MEGF6: variants seen among roughly 807,000 people sequenced by gnomAD.
MEGF6 encodes multiple epidermal growth factor-like domains protein 6.
Under a neutral mutation model 207.1 loss-of-function variants are expected in MEGF6, and 184 were observed. The ratio of observed to expected loss-of-function variants is 0.89; its 90% confidence interval spans 0.79 to 1.00. The LOEUF (loss-of-function observed/expected upper bound fraction) is 1.00, where lower values mean the gene tolerates loss of function less well. MEGF6 is among the 50% of genes least tolerant of loss of function. The pLI, the probability that MEGF6 is intolerant of heterozygous loss-of-function variation, is 0.00. For missense variants in MEGF6, 2,282 were observed against 2,202.9 expected (o/e 1.04, Z -0.72); for synonymous variants, 1,038 against 910.0 (o/e 1.14, Z -2.53).
At chr1:3,544,083 G>A (rs1642621282) in intron 4 of MEGF6, among the ~76,000 whole-genome samples, 2 of 152,278 alleles carry the variant, frequency 1.3e-5, no homozygotes, top group African/African-American at 4.8e-5. Context: ...CGGGAGTGTG[G>A]TCAGTCTGTC....
rs1194300166 is a variant in MEGF6, at chr1:3,594,270, A to T, written c.376+1068T>A. On this transcript the variant is annotated intron_variant, in intron 3 of 36. Coordinates refer to ENST00000356575, the MANE Select transcript of MEGF6 (RefSeq NM_001409.4). This position sits in a 1 kb window ranked among gnomAD's most constrained non-coding sequence, Gnocchi z 4.2. ...ATGGTGAGACCCTGTCTCTACAAAA[A>T]ATACAATAATTATTCAAGCGTGGTG... 6.6e-6 allele frequency among the ~76,000 whole-genome samples: 1 copy of T among 152,150 alleles called. No homozygotes were observed. The highest frequency in any genetic ancestry group is 2.4e-5 in the African/African-American group (1 of 41,436).
At chr1:3,493,163 G>A (rs1318576669) in intron 34 of MEGF6, 9 of 256,050 alleles carry the variant, frequency 3.5e-5, no homozygotes, top group Non-Finnish European at 5.3e-5. Flanking sequence ...TCCTCAGGTG[G>A]GTCCCTCCTA....
chr1:3,523,521 G>C (rs183449114), intron 5 of MEGF6, among the ~76,000 whole-genome samples: 1 of 152,142 alleles, frequency 6.6e-6, no homozygotes, highest in Non-Finnish European at 1.5e-5. Context: ...GAAGCTGAGG[G>C]ACAGGGTCCC....
Position 3,573,023 on chromosome 1 carries a change from C to T in MEGF6, c.481+6802G>A, listed in dbSNP as rs1643551745. ...GTCTTTCCTGGGTGTGCTGGGTTCT[C>T]CTGGGTATGCTGAGTTCTCTTGGGT... is the stretch of plus-strand genomic sequence containing the variant. On this transcript the variant is annotated intron_variant, in intron 4 of 36. Transcript: ENST00000356575. The surrounding 1 kb of genome is among the most constrained non-coding windows in gnomAD (Gnocchi z 5.1). Among the ~76,000 whole-genome samples the T allele has an allele frequency of 6.7e-6, 1 of 149,608 alleles. No homozygotes were observed. Among genetic ancestry groups the T allele is most frequent in the Non-Finnish European group, 1.5e-5 (1 of 67,498 alleles).
At chr1:3,580,122 C>T (rs1030127275) in intron 3 of MEGF6, among the ~76,000 whole-genome samples, 193 bp from the exon 4 acceptor site, 27 of 152,082 alleles carry the variant, frequency 1.8e-4, no homozygotes, top group African/African-American at 6.0e-4. Flanking sequence ...GCCACGGCCA[C>T]GTGCAGTTGG....
At chr1:3,606,017 C>T (rs1394729385) in intron 1 of MEGF6, among the ~76,000 whole-genome samples, 8 of 152,252 alleles carry the variant, frequency 5.3e-5, no homozygotes, top group African/African-American at 1.9e-4. Flanking sequence ...GACAGATACT[C>T]TGTCCCCCTG....
At chr1:3,562,577 T>C (rs1177498773) in intron 4 of MEGF6, among the ~76,000 whole-genome samples, 1 of 152,194 alleles carries the variant, frequency 6.6e-6, no homozygotes, top group Non-Finnish European at 1.5e-5. Context: ...TGAGTGCAGA[T>C]CAAGAAGAAT....
intron 23 of MEGF6, 87 bp from the exon 24 acceptor site, chr1:3,499,353 C>G: frequency 1.3e-6 from 2 of 1,490,008 alleles, no homozygotes; most frequent in Non-Finnish European, 1.8e-6. Flanking sequence ...GCAGATCTGC[C>G]GGGGTCCCCT....
In MEGF6 at chr1:3,494,446, T is replaced by G; in HGVS notation, c.4054A>C (p.Asn1352His). 6.4e-7 allele frequency: 1 copy of G among 1,570,722 alleles called. No homozygotes were observed. The highest frequency in any genetic ancestry group is 8.6e-7 in the Non-Finnish European group (1 of 1,163,220). ...GTGGCAGGCTCACACGTGCTGTTGTTGTGGCAGGAGCACTCCAGATGGCAG... is the reference window on the plus strand; with the variant it reads ...GTGGCAGGCTCACACGTGCTGTTGTGGTGGCAGGAGCACTCCAGATGGCAG... ...AACHLECSCH[N>H]NSTCEPATGT... Residue 1352 changes from asparagine to histidine, a missense_variant, in exon 32 of 37, where the codon AAC (asparagine) becomes CAC (histidine). Asn to His is a moderately conservative substitution (Grantham distance 68). Coordinates refer to ENST00000356575, the MANE Select transcript of MEGF6 (RefSeq NM_001409.4).
rs867914766 is a variant in MEGF6 at position 3,510,963 on chromosome 1, C to T, written c.1115-61G>A. On this transcript the variant is annotated intron_variant, in intron 9 of 36. Transcript: ENST00000356575. ...GCACCTGCACGTGCACACGCCCCCA[C>T]CCACACACAACTGCATACGACCACA... 2.7e-4 allele frequency: 374 copies of T among 1,384,426 alleles called. 3 individuals carry two copies. Among genetic ancestry groups the T allele is most frequent in the Middle Eastern group, 2.0e-3 (10 of 5,062 alleles). The allele number at this position is 1,384,426 out of a possible 1,614,324, so 85.8% of individuals were successfully genotyped here. A position where few individuals can be genotyped will look rare whatever the true frequency, so the allele number is the denominator to read the frequency against.
chr1:3,606,144 C>A (rs1021041928), intron 1 of MEGF6, among the ~76,000 whole-genome samples: 1 of 152,252 alleles, frequency 6.6e-6, no homozygotes, highest in African/African-American at 2.4e-5. Flanking sequence ...ACCCACCCCA[C>A]CAACCATCGG....
chr1:3,544,632 G>A (rs1424548397), intron 4 of MEGF6, among the ~76,000 whole-genome samples: 3 of 112,666 alleles, frequency 2.7e-5, no homozygotes, highest in African/African-American at 1.1e-4. Context: ...TCGGGAACCT[G>A]CCAGGCAGCC....
At chr1:3,548,774 G>A (rs1482471904) in intron 4 of MEGF6, among the ~76,000 whole-genome samples, 1 of 152,120 alleles carries the variant, frequency 6.6e-6, no homozygotes, top group East Asian at 1.9e-4. Flanking sequence ...GGCCATGTGA[G>A]CACAGGTCCC....
At chr1:3,531,365 CCCAGCCCCGGGATCCGCT>C in intron 4 of MEGF6, 1 of 1,185,894 alleles carries the variant, frequency 8.4e-7, no homozygotes. Flanking sequence ...GGCGCGCAAT[CCCAGCCCCGGGATCCGCT>C]CCGCTCGGCG....
At position 3,546,038 on chromosome 1, in the gene MEGF6, C is replaced by T. The variant is rs372826035; in HGVS notation, c.482-21792G>A. Reference sequence around the variant, plus strand: ...GAGATGATGACAGTAAGTGTCTGACCGGGACAGCAGAGCAGAGGCCTGAGG... The same window carrying T: ...GAGATGATGACAGTAAGTGTCTGACTGGGACAGCAGAGCAGAGGCCTGAGG... On this transcript the variant is annotated intron_variant, in intron 4 of 36. Coordinates refer to ENST00000356575, the MANE Select transcript of MEGF6 (RefSeq NM_001409.4). Among the ~76,000 whole-genome samples, 53 of 152,290 alleles carry T rather than the reference C, an allele frequency of 3.5e-4. 1 individual carries two copies. Among genetic ancestry groups the T allele is most frequent in the Middle Eastern group, 3.4e-3 (1 of 294 alleles).
At chr1:3,597,380 C>T (rs984601720) in intron 2 of MEGF6, among the ~76,000 whole-genome samples, 8 of 152,074 alleles carry the variant, frequency 5.3e-5, no homozygotes, top group African/African-American at 1.7e-4. Context: ...CTCACTCTAG[C>T]AAGGACTACT....
intron 4 of MEGF6, among the ~76,000 whole-genome samples, chr1:3,530,093 C>T (rs998450702): frequency 2.0e-5 from 3 of 152,246 alleles, no homozygotes; most frequent in Non-Finnish European, 4.4e-5. Flanking sequence ...TTGGATGCTT[C>T]GCAGTCGCAA....
intron 4 of MEGF6, among the ~76,000 whole-genome samples, chr1:3,525,330 G>A (rs1032022582): frequency 3.3e-5 from 5 of 152,244 alleles, no homozygotes; most frequent in Admixed American, 6.5e-5. Flanking sequence ...ACTCAAAGGC[G>A]GTAGAGGGGA....
intron 2 of MEGF6, among the ~76,000 whole-genome samples, chr1:3,597,889 C>T (rs537397015): frequency 3.8e-4 from 58 of 152,338 alleles, no homozygotes; most frequent in Non-Finnish European, 6.2e-4. Flanking sequence ...CACAGCTCAC[C>T]GCGTGGTACC....
Sources: gnomAD v4.1 joint callset for allele counts (sites outside exome capture counted in the v4.1 genomes callset) on GRCh38, gnomAD v4.1.1 for gene constraint, Gnocchi (gnomAD v3.1) non-coding constraint, MANE v1.5 for transcripts, NCBI Gene and HGNC (gene_info 2026-07-23, HGNC 2026-07-21) for gene names.